TBC1D5: variants seen among roughly 807,000 people sequenced by gnomAD.
The protein encoded by TBC1D5 is TBC1 domain family member 5.
Under a neutral mutation model 100.3 loss-of-function variants are expected in TBC1D5, and 75 were observed. The ratio of observed to expected loss-of-function variants is 0.75; its 90% CI spans 0.62 to 0.91. The LOEUF is 0.91. TBC1D5 is among the 40% of genes least tolerant of loss of function. The pLI is 0.00. For synonymous variants in TBC1D5, 323 were observed against 325.6 expected, an observed-to-expected ratio of 0.99 and a Z score of 0.09; for missense variants, 910 against 942.4, an observed-to-expected ratio of 0.97 and a Z score of 0.45.
intron 21 of TBC1D5, among the ~76,000 whole-genome samples, chr3:17,162,132 C>G (rs141636072): frequency 6.6e-6 from 1 of 152,368 alleles, no homozygotes; most frequent in East Asian, 1.9e-4. Flanking sequence ...AAGAACACCT[C>G]ACCCAGTGGT....
chr3:17,605,963 C>G (rs1464733990), intron 2 of TBC1D5, among the ~76,000 whole-genome samples: 1 of 152,124 alleles, frequency 6.6e-6, no homozygotes, highest in Admixed American at 6.6e-5. Flanking sequence ...TTTAAGCTTG[C>G]TCTCTAGTTC....
At chr3:17,598,961 AG>A (rs1191396051) in intron 2 of TBC1D5, among the ~76,000 whole-genome samples, 1 of 152,230 alleles carries the variant, frequency 6.6e-6, no homozygotes, top group African/African-American at 2.4e-5. Context: ...CATAGCTTTA[AG>A]GGTCAGGTAC....
chr3:17,281,932 T>C (rs1463709604), intron 15 of TBC1D5, among the ~76,000 whole-genome samples: 2 of 152,230 alleles, frequency 1.3e-5, no homozygotes, highest in African/African-American at 2.4e-5. Flanking sequence ...CTTTTTTTCA[T>C]AACTTATGAT....
intron 19 of TBC1D5, among the ~76,000 whole-genome samples, chr3:17,179,029 C>G (rs866672602): frequency 2.4e-4 from 36 of 151,828 alleles, no homozygotes; most frequent in Admixed American, 2.2e-3. Flanking sequence ...CACACTGCAC[C>G]CTCGAACTCC....
intron 1 of TBC1D5, among the ~76,000 whole-genome samples, chr3:17,718,208 G>C (rs2075393938): frequency 6.6e-6 from 1 of 152,164 alleles, no homozygotes; most frequent in South Asian, 2.1e-4. Context: ...TATTCCCAAA[G>C]GTTTTTCCTA....
chr3:17,736,670 T>A (rs1430881070), intron 1 of TBC1D5, among the ~76,000 whole-genome samples: 1 of 152,146 alleles, frequency 6.6e-6, no homozygotes, highest in Non-Finnish European at 1.5e-5. Flanking sequence ...CTAGAACTTC[T>A]GCCAGGTAGC....
intron 2 of TBC1D5, among the ~76,000 whole-genome samples, chr3:17,567,095 C>T (rs945572953): frequency 6.6e-6 from 1 of 151,778 alleles, no homozygotes; most frequent in Admixed American, 6.6e-5. Flanking sequence ...TACCAAAATA[C>T]ACTAAACTTC....
At chr3:17,390,783 G>T (rs2093328354) in intron 8 of TBC1D5, among the ~76,000 whole-genome samples, 1 of 152,086 alleles carries the variant, frequency 6.6e-6, no homozygotes, top group Non-Finnish European at 1.5e-5. Flanking sequence ...ATCAAGCCAA[G>T]ACCACAACAA....
intron 2 of TBC1D5, among the ~76,000 whole-genome samples, chr3:17,601,987 G>A (rs540887942): frequency 5.8e-4 from 88 of 151,976 alleles, no homozygotes; most frequent in Middle Eastern, 3.4e-3. Context: ...CTGCCACCAC[G>A]CCTGGCTAAT....
At chr3:17,244,196 A>G (rs1434362235) in intron 16 of TBC1D5, among the ~76,000 whole-genome samples, 1 of 152,222 alleles carries the variant, frequency 6.6e-6, no homozygotes, top group African/African-American at 2.4e-5. Context: ...AGATTGAAAA[A>G]TAATCTTTAG....
intron 2 of TBC1D5, among the ~76,000 whole-genome samples, chr3:17,555,530 A>T (rs1359839152): frequency 2.0e-5 from 3 of 152,174 alleles, no homozygotes; most frequent in Non-Finnish European, 4.4e-5. Context: ...TGTTTCTCCT[A>T]TTAAATCTTT....
At chr3:17,405,078 A>G (rs2093737397) in intron 5 of TBC1D5, 117 bp from the exon 6 acceptor site, 2 of 513,304 alleles carry the variant, frequency 3.9e-6, no homozygotes, top group African/African-American at 3.9e-5. Flanking sequence ...TTTCATATTC[A>G]TATCATCATT....
chr3:17,679,434 C>T (rs2069146144), intron 1 of TBC1D5, among the ~76,000 whole-genome samples: 1 of 151,358 alleles, frequency 6.6e-6, no homozygotes, highest in African/African-American at 2.5e-5. Context: ...AATGAAACTT[C>T]AATATTCAAA....
intron 2 of TBC1D5, among the ~76,000 whole-genome samples, chr3:17,527,083 T>C (rs569114501): frequency 3.9e-5 from 6 of 152,148 alleles, no homozygotes; most frequent in African/African-American, 1.4e-4. Flanking sequence ...AAAATATACG[T>C]TCTAGGAAAA....
chr3:17,200,299 G>A (rs993391632), intron 18 of TBC1D5, among the ~76,000 whole-genome samples: 17 of 152,310 alleles, frequency 1.1e-4, no homozygotes, highest in African/African-American at 4.1e-4. Flanking sequence ...CCAAACCCCG[G>A]GCTACAGACC....
intron 2 of TBC1D5, among the ~76,000 whole-genome samples, chr3:17,585,807 C>T (rs946223288): frequency 2.6e-5 from 4 of 152,144 alleles, no homozygotes; most frequent in African/African-American, 4.8e-5. Context: ...ATTTTTGTTT[C>T]GGTTTCATTT....
intron 2 of TBC1D5, among the ~76,000 whole-genome samples, chr3:17,540,675 G>A (rs935565962): frequency 6.6e-6 from 1 of 151,924 alleles, no homozygotes; most frequent in Admixed American, 6.6e-5. Flanking sequence ...TTGGGAGGCC[G>A]AGGCGGGCAG....
chr3:17,495,069 C>T (rs2095689283), intron 3 of TBC1D5, among the ~76,000 whole-genome samples: 2 of 152,214 alleles, frequency 1.3e-5, no homozygotes, highest in South Asian at 2.1e-4. Context: ...TATGCTTTTC[C>T]TCACTCTCCG....
At chr3:17,428,087 T>G (rs555881561) in intron 4 of TBC1D5, among the ~76,000 whole-genome samples, 4 of 151,848 alleles carry the variant, frequency 2.6e-5, no homozygotes, top group Admixed American at 2.6e-4. Flanking sequence ...AGCAGGAAAA[T>G]TAAAAGGAAG....
Sources: gnomAD v4.1 joint callset for allele counts (sites outside exome capture counted in the v4.1 genomes callset) on GRCh38, gnomAD v4.1.1 for gene constraint, MANE v1.5 for transcripts, NCBI Gene and HGNC (gene_info 2026-07-23, HGNC 2026-07-21) for gene names.